The following ATRNL1 variants were observed in gnomAD, a reference collection of about 807,000 sequenced individuals.
ATRNL1 encodes attractin like 1, also known as attractin-like protein 1.
In ATRNL1, 95 loss-of-function variants were observed where a neutral mutation model predicts 182.7. The ratio of observed to expected loss-of-function variants is 0.52; its 90% confidence interval spans 0.44 to 0.62. The LOEUF (loss-of-function observed/expected upper bound fraction) is 0.62. ATRNL1 is among the 20% of genes least tolerant of loss of function. ATRNL1 has a pLI of 0.00. For synonymous variants in ATRNL1, 576 were observed against 568.3 expected, an observed-to-expected ratio of 1.01 and a Z score of -0.19; for missense variants, 1,471 against 1,679.5, an observed-to-expected ratio of 0.88 and a Z score of 2.17.
chr10:115,599,310 TTG>T (rs1170748323), intron 26 of ATRNL1, among the ~76,000 whole-genome samples: 1 of 152,192 alleles, frequency 6.6e-6, no homozygotes, highest in African/African-American at 2.4e-5. Context: ...TGTGAATGGT[TTG>T]TGTGTCACTT....
In ATRNL1 at chr10:115,360,710, TGGA is replaced by T. The variant is rs782812440; in HGVS notation, c.3175+26297_3175+26299del. On this transcript the variant is annotated intron_variant, in intron 19 of 28. Transcript: ENST00000355044. ...AAGTTCCAGATACATTTGCAGAATG[TGGA>T]GGAGGTTTGTTACATAGGTAAACGT... is the stretch of plus-strand genomic sequence containing the variant. Among the ~76,000 whole-genome samples the T allele has an allele frequency of 3.3e-5, 5 of 151,806 alleles. No individual in the cohort carries two copies. The East Asian group carries it at 9.7e-4, about 29-fold the overall frequency.
chr10:115,116,678 C>T (rs1212508844), intron 1 of ATRNL1, among the ~76,000 whole-genome samples: 1 of 152,024 alleles, frequency 6.6e-6, no homozygotes, highest in Non-Finnish European at 1.5e-5. Context: ...GATTTCTCCC[C>T]TTTACGCATG....
intron 24 of ATRNL1, among the ~76,000 whole-genome samples, chr10:115,480,446 T>G (rs1848715019): frequency 6.6e-6 from 1 of 151,188 alleles, no homozygotes; most frequent in Non-Finnish European, 1.5e-5. Context: ...TATTTTCAAA[T>G]ACACTTTTTT....
At chr10:115,212,427 A>T (rs1335259663) in intron 8 of ATRNL1, among the ~76,000 whole-genome samples, 2 of 151,944 alleles carry the variant, frequency 1.3e-5, no homozygotes, top group African/African-American at 4.8e-5. Context: ...ACCATTGTGG[A>T]AGACACTGTG....
intron 17 of ATRNL1, among the ~76,000 whole-genome samples, chr10:115,302,558 T>A (rs1853526591): frequency 6.6e-6 from 1 of 152,184 alleles, no homozygotes; most frequent in African/African-American, 2.4e-5. Flanking sequence ...CTGCTACAAG[T>A]ATAGAATGCA....
At chr10:115,140,829 G>A (rs1845726837) in intron 5 of ATRNL1, among the ~76,000 whole-genome samples, 1 of 152,020 alleles carries the variant, frequency 6.6e-6, no homozygotes, top group Non-Finnish European at 1.5e-5. Context: ...TAGTTTTGTT[G>A]CGTAGTGCCT....
intron 28 of ATRNL1, among the ~76,000 whole-genome samples, chr10:115,868,977 C>G (rs1951510858): frequency 6.6e-6 from 1 of 151,622 alleles, no homozygotes; most frequent in African/African-American, 2.4e-5. Context: ...GTACAGGCGC[C>G]CGCCACCACG....
At chr10:115,674,512 T>A (rs568122223) in intron 26 of ATRNL1, among the ~76,000 whole-genome samples, 40 of 152,242 alleles carry the variant, frequency 2.6e-4, no homozygotes, top group African/African-American at 8.7e-4. Context: ...TTTATTACAC[T>A]TACTGAGTTC....
chr10:115,662,731 T>C (rs1460561139), intron 26 of ATRNL1, among the ~76,000 whole-genome samples: 3 of 152,166 alleles, frequency 2.0e-5, no homozygotes, highest in Non-Finnish European at 2.9e-5. Context: ...ATTCCACCTA[T>C]CTGATCATTC....
Position 115,309,701 on chromosome 10 carries a change from A to G in ATRNL1, c.2819-5817A>G, listed in dbSNP as rs146108649. ...CTCTTTAGGGTTTTCTAGGTATACA[A>G]TCATATCAAAGTCTTTAGGGTTTTC... On this transcript the variant is annotated intron_variant, in intron 17 of 28. Coordinates refer to ENST00000355044, the MANE Select transcript of ATRNL1 (RefSeq NM_207303.4). Among the ~76,000 whole-genome samples, 485 of 152,182 alleles carry G rather than the reference A, an allele frequency of 3.2e-3. 1 individual carries two copies. The highest frequency in any genetic ancestry group is 9.8e-3 in the African/African-American group (407 of 41,538).
chr10:115,608,605 G>C (rs2804223), intron 26 of ATRNL1, among the ~76,000 whole-genome samples: 147,900 of 152,106 alleles, frequency 0.97, 72,068 homozygotes, highest in East Asian at 1. Context: ...CATGGACAAT[G>C]ACTAGATTTT....
chr10:115,904,024 C>T (rs1299575930), intron 28 of ATRNL1, among the ~76,000 whole-genome samples: 3 of 152,114 alleles, frequency 2.0e-5, no homozygotes, highest in Non-Finnish European at 2.9e-5. Context: ...TAAGGACGGC[C>T]TCAGACCAAG....
At chr10:115,781,097 T>G (rs1949254613) in intron 27 of ATRNL1, among the ~76,000 whole-genome samples, 1 of 152,136 alleles carries the variant, frequency 6.6e-6, no homozygotes, top group Non-Finnish European at 1.5e-5. Flanking sequence ...CAAGCATATA[T>G]AAAGGTGCTC....
At chr10:115,840,506 C>T (rs143277651) in intron 27 of ATRNL1, among the ~76,000 whole-genome samples, 6 of 152,158 alleles carry the variant, frequency 3.9e-5, no homozygotes, top group Non-Finnish European at 7.4e-5. Flanking sequence ...ATTATAATAA[C>T]ACTGTGAGTA....
Position 115,350,781 on chromosome 10 carries a change from A to G in ATRNL1, c.3175+16362A>G, listed in dbSNP as rs143565474. 4.8e-3 allele frequency among the ~76,000 whole-genome samples: 723 copies of G among 151,230 alleles called. 3 individuals are homozygous for G. The highest frequency in any genetic ancestry group is 0.017 in the African/African-American group (687 of 41,220). On this transcript the variant is annotated intron_variant, in intron 19 of 28. Coordinates refer to ENST00000355044, the MANE Select transcript of ATRNL1 (RefSeq NM_207303.4). ...TTTATGGTTCAATATGAATTTTAGG[A>G]TTTTTTTTTCCATTTCTGAGAAGAA... is the stretch of plus-strand genomic sequence containing the variant.
At chr10:115,306,143 T>C (rs970432478) in intron 17 of ATRNL1, among the ~76,000 whole-genome samples, 1 of 152,324 alleles carries the variant, frequency 6.6e-6, no homozygotes, top group South Asian at 2.1e-4. Flanking sequence ...TTTACAATTT[T>C]TTTTGGTGGT....
intron 26 of ATRNL1, among the ~76,000 whole-genome samples, chr10:115,672,931 A>G (rs1253545262): frequency 6.6e-6 from 1 of 151,962 alleles, no homozygotes; most frequent in African/African-American, 2.4e-5. Context: ...CCCTCACCAC[A>G]CCTTGTTTTA....
At chr10:115,330,799 C>T (rs1248862702) in intron 18 of ATRNL1, among the ~76,000 whole-genome samples, 1 of 145,646 alleles carries the variant, frequency 6.9e-6, no homozygotes, top group Non-Finnish European at 1.5e-5. Context: ...TTTCACCTTT[C>T]TGTACTTGAA....
At chr10:115,676,495 G>A (rs1945865126) in intron 26 of ATRNL1, among the ~76,000 whole-genome samples, 1 of 151,788 alleles carries the variant, frequency 6.6e-6, no homozygotes, top group Non-Finnish European at 1.5e-5. Context: ...AGAAAAAATA[G>A]CAGATTAGTT....
Sources: gnomAD v4.1 joint callset for allele counts (sites outside exome capture counted in the v4.1 genomes callset) on GRCh38, gnomAD v4.1.1 for gene constraint, MANE v1.5 for transcripts, NCBI Gene and HGNC (gene_info 2026-07-23, HGNC 2026-07-21) for gene names.